SGPP2: variants seen among roughly 807,000 people sequenced by gnomAD.
SGPP2 encodes sphingosine-1-phosphate phosphatase 2, also known as sphingosine 1-phosphate phosphohydrolase 2.
In SGPP2, 30 loss-of-function variants were observed where a neutral mutation model predicts 33.9. The ratio of observed to expected loss-of-function variants is 0.89; its 90% CI spans 0.66 to 1.20. The LOEUF (loss-of-function observed/expected upper bound fraction) is 1.20. SGPP2 is among the 50% of genes most tolerant of loss of function. The pLI, the probability that SGPP2 is intolerant of heterozygous loss-of-function variation, is 0.00. For synonymous variants in SGPP2, 233 were observed against 225.0 expected (o/e 1.04, Z -0.32); for missense variants, 458 against 532.1 (o/e 0.86, Z 1.37).
At chr2:222,472,731 G>A (rs548658271) in intron 1 of SGPP2, among the ~76,000 whole-genome samples, 1 of 152,296 alleles carries the variant, frequency 6.6e-6, no homozygotes, top group East Asian at 1.9e-4. Context: ...ACCAGTTTTA[G>A]GGAGGGACTA....
At chr2:222,442,791 G>A (rs1269180944) in intron 1 of SGPP2, among the ~76,000 whole-genome samples, 2 of 152,058 alleles carry the variant, frequency 1.3e-5, no homozygotes, top group African/African-American at 4.8e-5. Context: ...TAATATAATG[G>A]TGTAACATTG....
chr2:222,437,343 C>T (rs748425245), intron 1 of SGPP2, among the ~76,000 whole-genome samples: 11 of 152,312 alleles, frequency 7.2e-5, no homozygotes, highest in East Asian at 1.9e-4. Flanking sequence ...AAGTTCTCCC[C>T]GCTGGGAAGA....
chr2:222,424,162 C>T (rs1697020027), upstream of SGPP2, among the ~76,000 whole-genome samples: 1 of 151,064 alleles, frequency 6.6e-6, no homozygotes, highest in South Asian at 2.1e-4. Flanking sequence ...AGGAAGGTCA[C>T]TGTGGGATCA....
intron 1 of SGPP2, among the ~76,000 whole-genome samples, chr2:222,431,359 A>C (rs559681833): frequency 8.5e-5 from 13 of 152,156 alleles, no homozygotes; most frequent in African/African-American, 2.6e-4. Flanking sequence ...TATGAAAATT[A>C]GCCAGGTGTG....
intron 1 of SGPP2, chr2:222,452,559 G>A (rs1289031849): frequency 3.5e-6 from 4 of 1,154,440 alleles, no homozygotes; most frequent in Non-Finnish European, 5.2e-6. Flanking sequence ...CTACATGCAG[G>A]ACTGTAGAGA....
chr2:222,558,987 C>T lies in SGPP2; in HGVS notation c.*89C>T. The T allele has an allele frequency of 7.5e-7, 1 of 1,325,654 alleles. No homozygotes were observed. The highest frequency in any genetic ancestry group is 1.0e-6 in the Non-Finnish European group (1 of 961,876). 82.1% of individuals were successfully genotyped at this position (1,325,654 alleles called of 1,614,324 possible). ...AGGCAAATCTTGACAACTTATTTTT[C>T]TTTAACAACAACAAAAAGTCATACG... is the stretch of plus-strand genomic sequence containing the variant. On this transcript the variant is annotated 3_prime_UTR_variant, in exon 5 of 5. Coordinates refer to ENST00000321276, the MANE Select transcript of SGPP2 (RefSeq NM_152386.4).
chr2:222,543,884 C>A (rs1275410556), intron 4 of SGPP2, among the ~76,000 whole-genome samples: 1 of 152,090 alleles, frequency 6.6e-6, no homozygotes, highest in East Asian at 1.9e-4. Context: ...TGGACTTTTT[C>A]TTGGGATTAA....
intron 1 of SGPP2, among the ~76,000 whole-genome samples, chr2:222,438,509 G>A (rs1697278191): frequency 6.6e-6 from 1 of 152,248 alleles, no homozygotes; most frequent in Non-Finnish European, 1.5e-5. Flanking sequence ...GGCCTTGCCA[G>A]CTGAAGGCAA....
Position 222,460,246 on chromosome 2 carries a change from C to T in SGPP2, c.220-14322C>T, listed in dbSNP as rs146263563. Among the ~76,000 whole-genome samples, 17 of 152,292 alleles carry T rather than the reference C, an allele frequency of 1.1e-4. No homozygotes were observed. In the East Asian group the frequency reaches 2.3e-3, roughly 21 times the overall value. ...TGTATCATCAGATCCCACATGGCAG[C>T]GCCAAGGCCAAACACAGAAACCAAT... On this transcript the variant is annotated intron_variant, in intron 1 of 4. Transcript: ENST00000321276. The surrounding 1 kb of genome is among the most constrained non-coding windows in gnomAD (Gnocchi z 4.3).
At chr2:222,463,717 C>T (rs73993561) in intron 1 of SGPP2, among the ~76,000 whole-genome samples, 1 of 152,152 alleles carries the variant, frequency 6.6e-6, no homozygotes, top group African/African-American at 2.4e-5. Flanking sequence ...TATAAAACCA[C>T]CTTGACTTTG....
At chr2:222,426,189 G>A (rs1273798483) in intron 1 of SGPP2, among the ~76,000 whole-genome samples, 3 of 116,264 alleles carry the variant, frequency 2.6e-5, no homozygotes, top group African/African-American at 6.6e-5. Context: ...CAGCCAGGGC[G>A]ACTGAGCGAG....
intron 2 of SGPP2, among the ~76,000 whole-genome samples, chr2:222,515,535 G>C (rs942088371): frequency 4.0e-5 from 6 of 151,804 alleles, no homozygotes; most frequent in African/African-American, 1.5e-4. Context: ...CACCATATTG[G>C]TCAGGCTGGT....
At chr2:222,541,392 G>A (rs2106148902) in intron 4 of SGPP2, among the ~76,000 whole-genome samples, 1 of 152,220 alleles carries the variant, frequency 6.6e-6, no homozygotes, top group Admixed American at 6.5e-5. Context: ...ATAAATGGAA[G>A]GACAGCATAG....
intron 1 of SGPP2, among the ~76,000 whole-genome samples, chr2:222,453,618 A>G (rs542334292): frequency 5.3e-5 from 8 of 152,318 alleles, no homozygotes; most frequent in African/African-American, 1.9e-4. Context: ...CACTTAATCA[A>G]TATTAAATAT....
intron 4 of SGPP2, among the ~76,000 whole-genome samples, chr2:222,525,867 G>A (rs1021175308): frequency 1.3e-5 from 2 of 152,180 alleles, no homozygotes; most frequent in African/African-American, 4.8e-5. Flanking sequence ...TTCTCTCCCT[G>A]GTCCCTTGTG....
intron 4 of SGPP2, among the ~76,000 whole-genome samples, chr2:222,551,020 G>C (rs1252579039): frequency 6.6e-6 from 1 of 151,254 alleles, no homozygotes; most frequent in Non-Finnish European, 1.5e-5. Flanking sequence ...CTATGGGAAG[G>C]AGTTTTACAT....
chr2:222,431,783 C>G (rs2106056814), intron 1 of SGPP2, among the ~76,000 whole-genome samples: 1 of 152,314 alleles, frequency 6.6e-6, no homozygotes, highest in Admixed American at 6.5e-5. Context: ...GGGTGGGGAT[C>G]AGATCTCAAG....
chr2:222,457,676 G>A (rs1697592685), intron 1 of SGPP2, among the ~76,000 whole-genome samples: 1 of 152,214 alleles, frequency 6.6e-6, no homozygotes, highest in African/African-American at 2.4e-5. Context: ...AGGAAAGTAA[G>A]GGAGGCAGCC....
intron 4 of SGPP2, among the ~76,000 whole-genome samples, chr2:222,549,883 C>CTTTTTT (rs751034613): frequency 7.3e-6 from 1 of 137,656 alleles, no homozygotes; most frequent in African/African-American, 2.7e-5. Context: ...CTTTTCTTTT[C>CTTTTTT]TTTTTTTTTT....
Sources: allele counts gnomAD v4.1 joint callset (sites outside exome capture counted in the v4.1 genomes callset), GRCh38; gene constraint gnomAD v4.1.1; non-coding constraint Gnocchi (gnomAD v3.1); transcripts MANE v1.5; gene names NCBI Gene and HGNC (gene_info 2026-07-23, HGNC 2026-07-21).